The following CCDC138 variants were observed in gnomAD, a reference collection of about 807,000 sequenced individuals.
The protein encoded by CCDC138 is coiled-coil domain containing 138, also known as coiled-coil domain-containing protein 138.
A neutral mutation model predicts 82.3 loss-of-function variants in CCDC138; 66 were observed. That is an observed-to-expected ratio of 0.80 (90% CI 0.66 to 0.98). The LOEUF is 0.98. Ranked by LOEUF, CCDC138 falls within the 50% of genes least tolerant of loss-of-function variation. The pLI is 0.00. For synonymous variants in CCDC138, 297 were observed against 265.4 expected (o/e 1.12, Z -1.16); for missense variants, 816 against 758.9 (o/e 1.08, Z -0.88).
intron 13 of CCDC138, among the ~76,000 whole-genome samples, chr2:108,871,501 G>A (rs115676325): frequency 4.5e-4 from 68 of 151,932 alleles, no homozygotes; most frequent in African/African-American, 1.5e-3. Flanking sequence ...TCAGTGAGCC[G>A]AGATCATGCC....
At chr2:108,805,579 T>A (rs1015757502) in intron 7 of CCDC138, among the ~76,000 whole-genome samples, 26 of 130,200 alleles carry the variant, frequency 2.0e-4, no homozygotes, top group Non-Finnish European at 4.2e-4. Context: ...CAAAAAAAAA[T>A]AGCTGGGCGT....
At position 108,786,812 on chromosome 2, in the gene CCDC138, T is replaced by G. The variant is rs778683545; in HGVS notation, c.-11T>G. 1.3e-6 allele frequency: 2 copies of G among 1,583,620 alleles called. No homozygotes were observed. Among genetic ancestry groups the G allele is most frequent in the Non-Finnish European group, 1.7e-6 (2 of 1,165,704 alleles). On this transcript the variant is annotated 5_prime_UTR_variant, in exon 1 of 15. Transcript: ENST00000295124. The stretch of plus-strand genomic sequence containing the variant: ...CGGTTCCCGGGGAGACTGGTACGGT[T>G]GCTGTGTGCTATGGAGCCGAGGGTC...
At chr2:108,800,912 A>G (rs1186812709) in intron 6 of CCDC138, among the ~76,000 whole-genome samples, 7 of 118,822 alleles carry the variant, frequency 5.9e-5, no homozygotes, top group Admixed American at 1.9e-4. Context: ...TTTACTGAGA[A>G]TGATGGTTTC....
At chr2:108,826,521 T>G (rs1011528732) in intron 10 of CCDC138, among the ~76,000 whole-genome samples, 1 of 152,200 alleles carries the variant, frequency 6.6e-6, no homozygotes, top group Admixed American at 6.5e-5. Flanking sequence ...ATTCCTTCCC[T>G]ATTGAATTGT....
intron 10 of CCDC138, among the ~76,000 whole-genome samples, chr2:108,823,983 A>G (rs1365442085): frequency 6.6e-6 from 1 of 151,040 alleles, no homozygotes; most frequent in African/African-American, 2.4e-5. Context: ...TCAAAAGAAA[A>G]AAAAGGGAGG....
chr2:108,809,411 G>T (rs1683396156), intron 7 of CCDC138, among the ~76,000 whole-genome samples: 1 of 150,690 alleles, frequency 6.6e-6, no homozygotes, highest in South Asian at 2.1e-4. Flanking sequence ...TGGTTATTTT[G>T]ACAGTATTAA....
chr2:108,791,926 T>C, intron 4 of CCDC138, 124 bp downstream of exon 4: 2 of 986,462 alleles, frequency 2.0e-6, no homozygotes, highest in Non-Finnish European at 2.8e-6. Flanking sequence ...TCTGAACTTC[T>C]GTAAGCTAGG....
chr2:108,867,027 T>A (rs931285143), intron 13 of CCDC138, among the ~76,000 whole-genome samples: 3 of 152,172 alleles, frequency 2.0e-5, no homozygotes, highest in African/African-American at 7.2e-5. Flanking sequence ...TATTTTTAGG[T>A]TAATTAAAGG....
intron 12 of CCDC138, among the ~76,000 whole-genome samples, chr2:108,847,311 C>T (rs1690662229): frequency 6.6e-6 from 1 of 152,182 alleles, no homozygotes; most frequent in African/African-American, 2.4e-5. Flanking sequence ...AGTTTTCTCC[C>T]ACAACCATGC....
downstream of CCDC138, chr2:108,878,414 G>A (rs1346357327): frequency 4.6e-6 from 1 of 215,712 alleles, no homozygotes; most frequent in Non-Finnish European, 9.9e-6. Context: ...AATAAAATCA[G>A]GTACAGTTCC....
intron 10 of CCDC138, among the ~76,000 whole-genome samples, chr2:108,819,364 A>G (rs183766885): frequency 5.9e-5 from 9 of 152,300 alleles, no homozygotes; most frequent in Admixed American, 4.6e-4. Flanking sequence ...AATGGACTGC[A>G]TGTTCAATAT....
chr2:108,830,732 C>G (rs1574112924), intron 10 of CCDC138, among the ~76,000 whole-genome samples: 1 of 152,078 alleles, frequency 6.6e-6, no homozygotes, highest in South Asian at 2.1e-4. Context: ...CGCTTGAACC[C>G]AGGAGGCAGA....
chr2:108,884,821 C>T (rs1435626603), intron 2 of CCDC138: 1 of 152,238 alleles, frequency 6.6e-6, no homozygotes, highest in East Asian at 1.9e-4. Context: ...AGGCTTGTCA[C>T]TCCTGGGTGC....
chr2:108,845,012 C>G (rs1178732207), intron 11 of CCDC138, among the ~76,000 whole-genome samples: 1 of 151,960 alleles, frequency 6.6e-6, no homozygotes, highest in Non-Finnish European at 1.5e-5. Context: ...TCCCAAAGTG[C>G]TGGGATTACA....
chr2:108,812,562 T>C, intron 7 of CCDC138, 69 bp from the exon 8 acceptor site: 1 of 1,146,166 alleles, frequency 8.7e-7, no homozygotes, highest in Non-Finnish European at 1.3e-6. Flanking sequence ...AGATAGTAGA[T>C]TGGGAAACCC....
chr2:108,798,478 A>C lies in CCDC138; in HGVS notation c.627A>C (p.Glu209Asp). ...TTGCTGAAGAACTTCAAAAGCGAGA[A>C]CGTTTTTTACTTGAAAGAGAACAAC... ...QKFAEELQKRERFLLEREQLL... is the reference protein window; with the variant it reads ...QKFAEELQKRDRFLLEREQLL... Residue 209 changes from glutamate to aspartate, a missense_variant, in exon 6 of 15, where the codon GAA (glutamate) becomes GAC (aspartate). By Grantham distance (45) the Glu-to-Asp change is conservative. Transcript: ENST00000295124. The C allele has an allele frequency of 6.2e-7, 1 of 1,613,930 alleles. No individual in the cohort carries two copies. Among genetic ancestry groups the C allele is most frequent in the Non-Finnish European group, 8.5e-7 (1 of 1,179,900 alleles).
Position 108,809,448 on chromosome 2 carries a change from TTGTGTGTGTGTGTGTG to T in CCDC138, c.856-3158_856-3143del, listed in dbSNP as rs56122981. Among the ~76,000 whole-genome samples, 5 of 141,222 alleles carry T rather than the reference TTGTGTGTGTGTGTGTG, an allele frequency of 3.5e-5. No homozygotes were observed. In the East Asian group the frequency reaches 8.2e-4, roughly 23 times the overall value. The allele number at this position is 141,222 out of a possible 152,430, so 92.6% of individuals were successfully genotyped here. ...TGTTCCAGTCCATGAACATGAAATG[TTGTGTGTGTGTGTGTG>T]TGTGTGTGTGTGTGTGTGTGTGTGA... On this transcript the variant is annotated intron_variant, in intron 7 of 14. Transcript: ENST00000295124.
At chr2:108,850,214 TAAG>T (rs1037479475) in intron 12 of CCDC138, among the ~76,000 whole-genome samples, 2 of 152,162 alleles carry the variant, frequency 1.3e-5, no homozygotes, top group African/African-American at 2.4e-5. Flanking sequence ...TTAACTCTAG[TAAG>T]AAGATGTTTC....
intron 11 of CCDC138, among the ~76,000 whole-genome samples, chr2:108,844,209 T>C (rs143804935): frequency 2.0e-5 from 3 of 152,262 alleles, no homozygotes; most frequent in Middle Eastern, 3.4e-3. Context: ...TCCTGGACTC[T>C]AATGACGTGA....
Sources: allele counts gnomAD v4.1 joint callset (sites outside exome capture counted in the v4.1 genomes callset), GRCh38; gene constraint gnomAD v4.1.1; transcripts MANE v1.5; gene names NCBI Gene and HGNC (gene_info 2026-07-23, HGNC 2026-07-21).